Variants in KCNIP4 observed in about 807,000 individuals in gnomAD.
KCNIP4 encodes Kv channel-interacting protein 4.
KCNIP4 carries 12 observed loss-of-function variants against 34.0 expected under a neutral mutation model. The ratio of observed to expected loss-of-function variants is 0.35; its 90% CI spans 0.23 to 0.57. KCNIP4 has a LOEUF of 0.57. Among genes scored for constraint, KCNIP4 ranks in the 20% least tolerant of loss-of-function variants. The pLI is 0.83. For missense variants in KCNIP4, 238 were observed against 311.7 expected (o/e 0.76, Z 1.78); for synonymous variants, 124 against 102.2 (o/e 1.21, Z -1.29).
At chr4:20,730,884 C>T (rs1266526544) in intron 8 of KCNIP4, among the ~76,000 whole-genome samples, 2 of 152,040 alleles carry the variant, frequency 1.3e-5, no homozygotes, top group African/African-American at 4.8e-5. Flanking sequence ...TAATGGCTTC[C>T]ACTGCTAGAA....
chr4:21,541,946 T>A (rs1737734806), intron 1 of KCNIP4, among the ~76,000 whole-genome samples: 1 of 152,188 alleles, frequency 6.6e-6, no homozygotes, highest in Admixed American at 6.5e-5. Flanking sequence ...CCCCGCCTAA[T>A]TTTCTAATAT....
intron 1 of KCNIP4, among the ~76,000 whole-genome samples, chr4:21,901,402 A>G (rs998241068): frequency 7.9e-5 from 12 of 152,238 alleles, no homozygotes; most frequent in African/African-American, 2.9e-4. Flanking sequence ...ATAAATTTAT[A>G]TACATAAAAT....
At chr4:21,266,569 T>A (rs1439273872) in intron 1 of KCNIP4, among the ~76,000 whole-genome samples, 3 of 152,180 alleles carry the variant, frequency 2.0e-5, no homozygotes, top group Non-Finnish European at 4.4e-5. Context: ...GGGCAAAAAC[T>A]TATGGCTAAA....
chr4:21,483,488 T>C (rs1219466624), intron 1 of KCNIP4, among the ~76,000 whole-genome samples: 1 of 152,008 alleles, frequency 6.6e-6, no homozygotes, highest in African/African-American at 2.4e-5. Context: ...TCATGAGATC[T>C]GGTTGTTTAA....
At position 21,830,304 on chromosome 4, in the gene KCNIP4, G is replaced by C. The variant is rs1722905003; in HGVS notation, c.61+118267C>G. 6.6e-5 allele frequency among the ~76,000 whole-genome samples: 10 copies of C among 152,070 alleles called. No homozygotes were observed. In the South Asian group the frequency reaches 2.1e-3, roughly 32 times the overall value. On this transcript the variant is annotated intron_variant, in intron 1 of 8. Coordinates refer to ENST00000382152, the MANE Select transcript of KCNIP4 (RefSeq NM_025221.6). The stretch of plus-strand genomic sequence containing the variant: ...AGGAGAATATAACAATTATATATAT[G>C]TACCCAAAATGAAAGCATTTAAACC...
chr4:21,508,902 G>A (rs529823563), intron 1 of KCNIP4, among the ~76,000 whole-genome samples: 28 of 45,742 alleles, frequency 6.1e-4, no homozygotes, highest in African/African-American at 3.5e-3. Context: ...GCTGTTAGTT[G>A]AGCGCTGTTA....
chr4:21,009,364 C>CATTATGAACGAAATA (rs1251476038), intron 1 of KCNIP4, among the ~76,000 whole-genome samples: 2 of 152,176 alleles, frequency 1.3e-5, no homozygotes, highest in East Asian at 3.9e-4. Flanking sequence ...TCAGAGCCTC[C>CATTATGAACGAAATA]ATTATGAACG....
intron 1 of KCNIP4, among the ~76,000 whole-genome samples, chr4:21,871,767 T>TCCCCCCACCC (rs1725829256): frequency 1.1e-5 from 1 of 88,500 alleles, no homozygotes; most frequent in Non-Finnish European, 2.3e-5. Flanking sequence ...GATCCCCACC[T>TCCCCCCACCC]CCCCCCACCC....
intron 1 of KCNIP4, among the ~76,000 whole-genome samples, chr4:21,797,174 C>G (rs1457098464): frequency 2.6e-5 from 4 of 152,158 alleles, no homozygotes; most frequent in Admixed American, 6.6e-5. Context: ...TTTTTAGAGA[C>G]ACAGTCTCTG....
intron 1 of KCNIP4, among the ~76,000 whole-genome samples, chr4:21,591,145 T>C (rs1478165934): frequency 2.6e-5 from 4 of 151,968 alleles, no homozygotes; most frequent in Non-Finnish European, 5.9e-5. Context: ...ATTGAAGGAT[T>C]ACTCAGAGAA....
intron 1 of KCNIP4, among the ~76,000 whole-genome samples, chr4:21,742,226 C>A (rs1716460054): frequency 6.6e-6 from 1 of 152,146 alleles, no homozygotes; most frequent in Non-Finnish European, 1.5e-5. Context: ...TGTTGTCCAA[C>A]CATGCATTAC....
intron 1 of KCNIP4, among the ~76,000 whole-genome samples, chr4:21,899,802 AT>A (rs1727607666): frequency 6.6e-6 from 1 of 152,178 alleles, no homozygotes; most frequent in Non-Finnish European, 1.5e-5. Context: ...ACACACAAAA[AT>A]AGAAAGATAT....
chr4:20,964,781 A>G (rs1487436980), intron 1 of KCNIP4, among the ~76,000 whole-genome samples: 1 of 152,212 alleles, frequency 6.6e-6, no homozygotes, highest in African/African-American at 2.4e-5. Context: ...AAGAAAATCT[A>G]GAGCTAATAT....
At chr4:20,781,210 A>G (rs946272837) in intron 3 of KCNIP4, among the ~76,000 whole-genome samples, 6 of 152,348 alleles carry the variant, frequency 3.9e-5, no homozygotes, top group African/African-American at 1.4e-4. Flanking sequence ...AAAGAAGAAA[A>G]CCAAATTAAT....
chr4:21,425,697 A>G (rs1409780706), intron 1 of KCNIP4, among the ~76,000 whole-genome samples: 5 of 152,194 alleles, frequency 3.3e-5, no homozygotes, highest in Non-Finnish European at 7.3e-5. Flanking sequence ...TTAAAATAAA[A>G]AAGAAACTCT....
chr4:21,135,705 T>C (rs1200577587), intron 1 of KCNIP4, among the ~76,000 whole-genome samples: 4 of 152,214 alleles, frequency 2.6e-5, no homozygotes, highest in African/African-American at 7.2e-5. Flanking sequence ...AATATTTGCA[T>C]ACAAAGTGTC....
intron 5 of KCNIP4, among the ~76,000 whole-genome samples, chr4:20,749,171 A>T (rs1753106358): frequency 6.9e-6 from 1 of 145,484 alleles, no homozygotes; most frequent in African/African-American, 2.5e-5. Flanking sequence ...AAAAAAAAAA[A>T]ATACGTTCTC....
intron 1 of KCNIP4, among the ~76,000 whole-genome samples, chr4:21,792,816 C>G (rs557869276): frequency 6.6e-6 from 1 of 152,364 alleles, no homozygotes; most frequent in South Asian, 2.1e-4. Flanking sequence ...AAACTACCCA[C>G]TGGATGTCTT....
intron 1 of KCNIP4, among the ~76,000 whole-genome samples, chr4:21,639,584 C>T (rs892988238): frequency 3.3e-5 from 5 of 151,984 alleles, no homozygotes; most frequent in African/African-American, 1.2e-4. Flanking sequence ...TGATAAATTG[C>T]ACATAATGTT....
Sources: gnomAD v4.1 joint callset for allele counts (sites outside exome capture counted in the v4.1 genomes callset) on GRCh38, gnomAD v4.1.1 for gene constraint, MANE v1.5 for transcripts, NCBI Gene and HGNC (gene_info 2026-07-23, HGNC 2026-07-21) for gene names.